PAFAH1B2: variants seen among roughly 807,000 people sequenced by gnomAD.
The protein encoded by PAFAH1B2 is platelet-activating factor acetylhydrolase IB subunit alpha2.
Under a neutral mutation model 28.0 loss-of-function variants are expected in PAFAH1B2, and 8 were observed. The ratio of observed to expected loss-of-function variants is 0.29; its 90% CI spans 0.17 to 0.52. PAFAH1B2 has a LOEUF of 0.52. PAFAH1B2 is among the 20% of genes least tolerant of loss of function. The pLI is 0.97. For missense variants in PAFAH1B2, 190 were observed against 282.6 expected (o/e 0.67, Z 2.35); for synonymous variants, 104 against 103.2 (o/e 1.01, Z -0.05).
At chr11:117,160,569 T>C (rs753769303) in intron 3 of PAFAH1B2, among the ~76,000 whole-genome samples, 4 of 152,204 alleles carry the variant, frequency 2.6e-5, no homozygotes, top group Non-Finnish European at 5.9e-5. Context: ...GAGATTCTCA[T>C]ACCTCAGCCC....
At chr11:117,160,570 ACCTCAGC>A (rs1258280505) in intron 3 of PAFAH1B2, among the ~76,000 whole-genome samples, 5 of 152,132 alleles carry the variant, frequency 3.3e-5, no homozygotes, top group Non-Finnish European at 7.4e-5. Context: ...AGATTCTCAT[ACCTCAGC>A]CCCTGAGTAG....
chr11:117,144,963 C>T (rs981386480), intron 1 of PAFAH1B2, among the ~76,000 whole-genome samples: 4 of 152,224 alleles, frequency 2.6e-5, no homozygotes, highest in Admixed American at 6.5e-5. Context: ...TTTCCCTCCT[C>T]CTTTTGTTGA....
At chr11:117,145,128 A>T (rs1314654346) in intron 1 of PAFAH1B2, among the ~76,000 whole-genome samples, 1 of 152,096 alleles carries the variant, frequency 6.6e-6, no homozygotes, top group Non-Finnish European at 1.5e-5. Flanking sequence ...GCGGCTGGTG[A>T]CCTGCCCAAG....
rs1473422769 is a variant in PAFAH1B2, at chr11:117,168,106, GT to G, written c.*411del. On this transcript the variant is annotated 3_prime_UTR_variant, in exon 6 of 6. Transcript: ENST00000527958. ...ATCATTCTACTTGGCTTTAAAACATGTTTTCTCCAATTTTTTTAAGGTTCAT... is the reference window on the plus strand; with the variant it reads ...ATCATTCTACTTGGCTTTAAAACATGTTTCTCCAATTTTTTTAAGGTTCAT... 1 of 1,055,334 alleles carries G rather than the reference GT, an allele frequency of 9.5e-7. No homozygotes were observed. Among genetic ancestry groups the G allele is most frequent in the Non-Finnish European group, 1.1e-6 (1 of 872,396 alleles). The allele number at this position is 1,055,334 out of a possible 1,614,324, so 65.4% of individuals were successfully genotyped here. A position where few individuals can be genotyped will look rare whatever the true frequency, so the allele number is the denominator to read the frequency against.
intron 4 of PAFAH1B2, among the ~76,000 whole-genome samples, chr11:117,161,865 G>A (rs1298001702): frequency 6.6e-6 from 1 of 151,968 alleles, no homozygotes; most frequent in African/African-American, 2.4e-5. Context: ...CATAGATCTC[G>A]GGCAGTATGA....
At chr11:117,175,160 C>T, downstream of PAFAH1B2, 1 of 1,169,446 alleles carries the variant, frequency 8.6e-7, no homozygotes, top group South Asian at 3.5e-5. Context: ...CGCTTGAGGG[C>T]CACGGTTAGG....
chr11:117,152,922 C>T (rs565178794), intron 2 of PAFAH1B2, among the ~76,000 whole-genome samples: 6 of 152,120 alleles, frequency 3.9e-5, no homozygotes, highest in African/African-American at 7.2e-5. Context: ...ATAAGTTAGC[C>T]GGTTGTGGTG....
At position 117,146,114 on chromosome 11, in the gene PAFAH1B2, CTTT is replaced by C. The variant is rs376242740; in HGVS notation, c.-8+1713_-8+1715del. ...TTTGCATTCTGCTTGGTCTTTCTTT[CTTT>C]TTTTTTTTTTTTTTTTGTGTGTGTG... On this transcript the variant is annotated intron_variant, in intron 1 of 5. Transcript: ENST00000527958. 1.1e-3 allele frequency among the ~76,000 whole-genome samples: 155 copies of C among 137,882 alleles called. 2 individuals carry two copies. Among genetic ancestry groups the C allele is most frequent in the African/African-American group, 1.7e-3 (61 of 35,412 alleles). The allele number at this position is 137,882 out of a possible 152,430, so 90.5% of individuals were successfully genotyped here.
intron 2 of PAFAH1B2, among the ~76,000 whole-genome samples, chr11:117,158,425 G>A (rs1340013941): frequency 6.6e-6 from 1 of 152,004 alleles, no homozygotes; most frequent in Non-Finnish European, 1.5e-5. Context: ...TATAAACTTG[G>A]ATTTGACTGA....
chr11:117,146,647 T>TA (rs1363556424), intron 1 of PAFAH1B2, among the ~76,000 whole-genome samples: 2 of 152,026 alleles, frequency 1.3e-5, no homozygotes, highest in African/African-American at 4.8e-5. Context: ...TGAGCTGTGT[T>TA]ACGCCACTTC....
chr11:117,171,095 A>G, downstream of PAFAH1B2: 2 of 1,015,678 alleles, frequency 2.0e-6, no homozygotes, highest in Non-Finnish European at 2.4e-6. Context: ...TTCTAATGAA[A>G]AAAAGGGATG....
downstream of PAFAH1B2, among the ~76,000 whole-genome samples, chr11:117,177,895 C>CTT (rs1186656548): frequency 6.6e-6 from 1 of 152,230 alleles, no homozygotes; most frequent in Non-Finnish European, 1.5e-5. Flanking sequence ...CCTGTGAAGT[C>CTT]TTAAGCATCA....
At position 117,170,468 on chromosome 11, in the gene PAFAH1B2, G is replaced by A. The variant is rs1022238515; in HGVS notation, c.*2769G>A. The stretch of plus-strand genomic sequence containing the variant: ...TAGGGCAGGCTGTCTTCCAGTCCAT[G>A]TGTTCTCGGTCGCCGTAGACAGCGC... On this transcript the variant is annotated 3_prime_UTR_variant, in exon 6 of 6. Coordinates refer to ENST00000527958, the MANE Select transcript of PAFAH1B2 (RefSeq NM_002572.4). The A allele has an allele frequency of 9.4e-7, 1 of 1,060,086 alleles. No homozygotes were observed. Among genetic ancestry groups the A allele is most frequent in the African/African-American group, 1.7e-5 (1 of 60,572 alleles). 65.7% of individuals were successfully genotyped at this position (1,060,086 alleles called of 1,614,324 possible). A position where few individuals can be genotyped will look rare whatever the true frequency, so the allele number is the denominator to read the frequency against.
At chr11:117,172,443 G>C, downstream of PAFAH1B2, among the ~76,000 whole-genome samples, 1 of 135,984 alleles carries the variant, frequency 7.4e-6, no homozygotes, top group East Asian at 2.3e-4. Flanking sequence ...TTCTGGTCAA[G>C]CTTTGGCAGT....
chr11:117,160,405 A>G (rs766227205), intron 3 of PAFAH1B2, among the ~76,000 whole-genome samples: 5 of 152,182 alleles, frequency 3.3e-5, no homozygotes, highest in South Asian at 2.1e-4. Flanking sequence ...CCTATTTCAT[A>G]TATTTTTGTA....
chr11:117,159,871 A>T, intron 2 of PAFAH1B2, 63 bp from the exon 3 acceptor site: 1 of 1,193,128 alleles, frequency 8.4e-7, no homozygotes. Flanking sequence ...GAGTTCAAGC[A>T]TGGGCCACCA....
chr11:117,151,226 TC>T (rs1956142833), intron 1 of PAFAH1B2, among the ~76,000 whole-genome samples: 3 of 65,748 alleles, frequency 4.6e-5, no homozygotes, highest in Non-Finnish European at 6.9e-5. Flanking sequence ...TAAAATTTTT[TC>T]TTTTTCTTTT....
chr11:117,146,555 T>C (rs188049509), intron 1 of PAFAH1B2, among the ~76,000 whole-genome samples: 6 of 152,266 alleles, frequency 3.9e-5, no homozygotes, highest in Non-Finnish European at 8.8e-5. Flanking sequence ...TAGCCATGTG[T>C]GGTGGCGTGG....
chr11:117,174,517 T>C (rs1181756813), downstream of PAFAH1B2, among the ~76,000 whole-genome samples: 1 of 145,824 alleles, frequency 6.9e-6, no homozygotes, highest in African/African-American at 2.5e-5. Flanking sequence ...GGTGTTTCAC[T>C]CGTTGCCCAG....
Sources: gnomAD v4.1 joint callset for allele counts (sites outside exome capture counted in the v4.1 genomes callset) on GRCh38, gnomAD v4.1.1 for gene constraint, MANE v1.5 for transcripts, NCBI Gene and HGNC (gene_info 2026-07-23, HGNC 2026-07-21) for gene names.